The following BAG1 variants were observed in gnomAD, a reference collection of about 807,000 sequenced individuals.
The protein encoded by BAG1 is BAG cochaperone 1, also known as BAG family molecular chaperone regulator 1.
Under a neutral mutation model 35.5 loss-of-function variants are expected in BAG1, and 35 were observed. The ratio of observed to expected loss-of-function variants is 0.99; its 90% CI spans 0.75 to 1.31. The LOEUF is 1.31. Ranked by LOEUF, BAG1 falls within the 50% of genes most tolerant of loss-of-function variation. The probability of loss-of-function intolerance (pLI) is 0.00; values close to 1 mark genes in which losing one functional copy is unlikely to be tolerated. For synonymous variants in BAG1, 191 were observed against 178.9 expected (o/e 1.07, Z -0.54); for missense variants, 464 against 453.6 (o/e 1.02, Z -0.21).
Position 33,255,232 on chromosome 9 carries a change from G to A in BAG1, c.1025C>T (p.Ala342Val), listed in dbSNP as rs750619571. The A allele has an allele frequency of 3.1e-6, 5 of 1,614,054 alleles. No homozygotes were observed. Among genetic ancestry groups the A allele is most frequent in the African/African-American group, 1.3e-5 (1 of 74,918 alleles). ...TTCTGCTACACCTCACTCGGCCAGG[G>A]CAAAGTTTGTAGACTGCAGCCGCTC... The change falls in exon 7 of 7, where the codon GCC becomes GTC. Residue 342 changes from alanine (A) to valine (V), a missense_variant. Physicochemically the swap from Ala to Val is moderately conservative, Grantham distance 64. Coordinates refer to ENST00000634734, the MANE Select transcript of BAG1 (RefSeq NM_004323.6).
At position 33,252,504 on chromosome 9, in the gene BAG1, T is replaced by C. The variant is rs1005520033; in HGVS notation, c.*2715A>G. 24 of 151,360 alleles carry C rather than the reference T, an allele frequency of 1.6e-4. No individual in the cohort carries two copies. Among genetic ancestry groups the C allele is most frequent in the Admixed American group, 1.3e-4 (2 of 15,178 alleles). 9.4% of individuals were successfully genotyped at this position (151,360 alleles called of 1,614,324 possible). On this transcript the variant is annotated 3_prime_UTR_variant, in exon 7 of 7. Transcript: ENST00000634734. Reference sequence around the variant, plus strand: ...CCAAATATTTATTGAGGTCTTACTATATACAAGACTATATAACAAGTTATG... The same window carrying C: ...CCAAATATTTATTGAGGTCTTACTACATACAAGACTATATAACAAGTTATG...
At chr9:33,258,384 G>T (rs538598366) in intron 4 of BAG1, among the ~76,000 whole-genome samples, 10 of 151,182 alleles carry the variant, frequency 6.6e-5, no homozygotes, top group Non-Finnish European at 1.3e-4. Flanking sequence ...AAATAAAAGT[G>T]GTCTTGAGCT....
intron 4 of BAG1, 198 bp from the exon 5 acceptor site, chr9:33,257,106 G>A (rs934136166): frequency 3.6e-5 from 20 of 558,028 alleles, no homozygotes; most frequent in Non-Finnish European, 6.0e-5. Flanking sequence ...TCAGGTTGCA[G>A]TCTGCTCTAC....
At chr9:33,256,666 C>T in intron 5 of BAG1, 135 bp downstream of exon 5, 3 of 705,268 alleles carry the variant, frequency 4.3e-6, no homozygotes, top group Non-Finnish European at 7.1e-6. Context: ...ACATGACTGG[C>T]ACACAATAGT....
chr9:33,263,299 G>A (rs1336983610), intron 1 of BAG1, among the ~76,000 whole-genome samples: 1 of 152,152 alleles, frequency 6.6e-6, no homozygotes, highest in African/African-American at 2.4e-5. Flanking sequence ...TATTGTATTG[G>A]TCTCGTCTCG....
chr9:33,263,465 C>T (rs1022044965), intron 1 of BAG1, among the ~76,000 whole-genome samples: 7 of 152,200 alleles, frequency 4.6e-5, no homozygotes, highest in South Asian at 2.1e-4. Context: ...TCCAGGGATG[C>T]GGACAGCAAG....
intron 1 of BAG1, 132 bp from the exon 2 acceptor site, chr9:33,262,962 C>G (rs1368705069): frequency 1.6e-6 from 2 of 1,247,928 alleles, no homozygotes; most frequent in African/African-American, 3.0e-5. Context: ...AGAGCCTGCC[C>G]CCATGCCACC....
rs1820603599 is a variant in BAG1 at position 33,262,750 on chromosome 9, C to T, written c.532G>A (p.Glu178Lys). 2 of 1,614,152 alleles carry T rather than the reference C, an allele frequency of 1.2e-6. No individual in the cohort carries two copies. The highest frequency in any genetic ancestry group is 1.7e-6 in the Non-Finnish European group (2 of 1,180,024). ...GACTGTGGAACCCCTATGACCTCTT[C>T]AACAACCTGGGCCAGGTCTTGGACA... Residue 178 changes from glutamate (E) to lysine (K), a missense_variant, in exon 2 of 7, where the codon GAA becomes AAA. Physicochemically the swap from Glu to Lys is moderately conservative, Grantham distance 56 (BLOSUM62 1). Coordinates refer to ENST00000634734, the MANE Select transcript of BAG1 (RefSeq NM_004323.6).
rs528204349 is a variant in BAG1, at chr9:33,254,144, A to ATTT, written c.*1072_*1074dup. The ATTT allele has an allele frequency of 0.1, 13,501 of 132,136 alleles. 977 individuals are homozygous for ATTT. The highest frequency in any genetic ancestry group is 0.2 in the African/African-American group (6,838 of 33,826). 8.2% of individuals were successfully genotyped at this position (132,136 alleles called of 1,614,324 possible). On this transcript the variant is annotated 3_prime_UTR_variant, in exon 7 of 7. Transcript: ENST00000634734. ...AGGCACATGCCACTACGCCAAGCTA[A>ATTT]TTTTTTTTTTTTTTTTTTTTAAAGC...
intron 2 of BAG1, 67 bp downstream of exon 2, chr9:33,262,635 C>A: frequency 7.0e-7 from 1 of 1,434,828 alleles, no homozygotes; most frequent in Non-Finnish European, 9.2e-7. Flanking sequence ...CCAGCCTGGG[C>A]GACAAGAGTG....
chr9:33,257,182 A>C (rs947815504), intron 4 of BAG1: 1 of 401,006 alleles, frequency 2.5e-6, no homozygotes, highest in Non-Finnish European at 4.5e-6. Context: ...CCCCAGTCAC[A>C]AGAAGAGGCA....
At chr9:33,258,472 A>G (rs1320426834) in intron 4 of BAG1, among the ~76,000 whole-genome samples, 1 of 152,146 alleles carries the variant, frequency 6.6e-6, no homozygotes, top group Non-Finnish European at 1.5e-5. Flanking sequence ...CAACCCCACT[A>G]TCATGTTCAA....
At chr9:33,262,866 C>G in intron 1 of BAG1, 36 bp from the exon 2 acceptor site, 5 of 1,609,760 alleles carry the variant, frequency 3.1e-6, no homozygotes, top group Non-Finnish European at 8.5e-7. Context: ...GAATATGATT[C>G]TTTCACATAC....
In BAG1 at chr9:33,264,250, G is replaced by A. The variant is rs1820652110; in HGVS notation, c.425C>T (p.Ala142Val). The change falls in exon 1 of 7, where the codon GCT (alanine) becomes GTT (valine). Residue 142 changes from alanine (A) to valine (V), a missense_variant. Coordinates refer to ENST00000634734, the MANE Select transcript of BAG1 (RefSeq NM_004323.6). ...GTGGGTGACAGTCACGGTGAGCCCAGCTGCCGCCATTTCCTCCCTGGTCAC... is the reference window on the plus strand; with the variant it reads ...GTGGGTGACAGTCACGGTGAGCCCAACTGCCGCCATTTCCTCCCTGGTCAC... 1 of 1,611,482 alleles carries A rather than the reference G, an allele frequency of 6.2e-7. No homozygotes were observed. Among genetic ancestry groups the A allele is most frequent in the Non-Finnish European group, 8.5e-7 (1 of 1,179,302 alleles).
Position 33,264,702 on chromosome 9 carries a change from G to A in BAG1, c.-28C>T. 7.3e-7 allele frequency: 1 copy of A among 1,361,332 alleles called. No homozygotes were observed. Among genetic ancestry groups the A allele is most frequent in the Non-Finnish European group, 9.4e-7 (1 of 1,062,920 alleles). 84.3% of individuals were successfully genotyped at this position (1,361,332 alleles called of 1,614,324 possible). Reference sequence around the variant, plus strand: ...CCGCACTTGTTGACCGCCCAGCGATGGAAGCTGAGCGCGGCGTCTCACAAC... The same window carrying A: ...CCGCACTTGTTGACCGCCCAGCGATAGAAGCTGAGCGCGGCGTCTCACAAC... On this transcript the variant is annotated 5_prime_UTR_variant, in exon 1 of 7. Transcript: ENST00000634734.
In BAG1 at chr9:33,252,556, G is replaced by GC. The variant is rs1820358160; in HGVS notation, c.*2662_*2663insG. On this transcript the variant is annotated 3_prime_UTR_variant, in exon 7 of 7. Coordinates refer to ENST00000634734, the MANE Select transcript of BAG1 (RefSeq NM_004323.6). ...TTGTTATATATGTTATATATGTTATGTTATATATATATATGTTATATATGT... is the reference window on the plus strand; with the variant it reads ...TTGTTATATATGTTATATATGTTATGCTTATATATATATATGTTATATATGT... 7.3e-6 allele frequency: 1 copy of GC among 136,860 alleles called. No individual in the cohort carries two copies. The highest frequency in any genetic ancestry group is 1.6e-5 in the Non-Finnish European group (1 of 63,800). 8.5% of individuals were successfully genotyped at this position (136,860 alleles called of 1,614,324 possible).
rs1215496018 is a variant in BAG1 at position 33,255,210 on chromosome 9, T to C, written c.*9A>G. The C allele has an allele frequency of 2.5e-6, 4 of 1,614,222 alleles. No homozygotes were observed. The South Asian group carries it at 4.4e-5, about 18-fold the overall frequency. On this transcript the variant is annotated 3_prime_UTR_variant, in exon 7 of 7. Coordinates refer to ENST00000634734, the MANE Select transcript of BAG1 (RefSeq NM_004323.6). ...TCTTCAGGGCAGCACAGCCTTTTTC[T>C]GCTACACCTCACTCGGCCAGGGCAA...
intron 2 of BAG1, 28 bp downstream of exon 2, chr9:33,262,674 A>G (rs749016819): frequency 1.3e-6 from 2 of 1,559,074 alleles, no homozygotes; most frequent in South Asian, 1.2e-5. Context: ...AAAAAAAGAA[A>G]AAGAAAGAAA....
intron 4 of BAG1, 58 bp downstream of exon 4, chr9:33,258,862 G>T: frequency 6.9e-7 from 1 of 1,447,116 alleles, no homozygotes; most frequent in Non-Finnish European, 9.7e-7. Context: ...ATAACCACAA[G>T]TTATATCCAG....
Sources: allele counts gnomAD v4.1 joint callset (sites outside exome capture counted in the v4.1 genomes callset), GRCh38; gene constraint gnomAD v4.1.1; transcripts MANE v1.5; gene names NCBI Gene and HGNC (gene_info 2026-07-23, HGNC 2026-07-21).